The following NUP133 variants were observed in gnomAD, a reference collection of about 807,000 sequenced individuals.
NUP133 encodes nuclear pore complex protein Nup133.
In NUP133, 66 loss-of-function variants were observed where a neutral mutation model predicts 146.2. The observed-to-expected ratio is 0.45, with a 90% CI of 0.37 to 0.55. NUP133 has a LOEUF of 0.55. Ranked by LOEUF, NUP133 falls within the 20% of genes least tolerant of loss-of-function variation. The pLI is 0.00. For synonymous variants in NUP133, 521 were observed against 498.8 expected (o/e 1.04, Z -0.59); for missense variants, 1,277 against 1,374.8 (o/e 0.93, Z 1.12).
In NUP133 at chr1:229,463,914, G is replaced by C. The variant is rs1660752327; in HGVS notation, c.2552-238C>G. ...TAATCCCAGCACTTTGGGAGGCTGA[G>C]GCGGGTGGATCACCTGAGGTCAGGA... is the stretch of plus-strand genomic sequence containing the variant. On this transcript the variant is annotated intron_variant, in intron 18 of 25. Transcript: ENST00000261396. Among the ~76,000 whole-genome samples, 3 of 152,106 alleles carry C rather than the reference G, an allele frequency of 2.0e-5. 1 individual carries two copies. Among genetic ancestry groups the C allele is most frequent in the African/African-American group, 2.4e-5 (1 of 41,418 alleles).
intron 21 of NUP133, among the ~76,000 whole-genome samples, chr1:229,456,571 A>G (rs184132832): frequency 9.2e-5 from 14 of 152,180 alleles, no homozygotes; most frequent in Admixed American, 7.2e-4. Flanking sequence ...TTCTGGCCCA[A>G]TAAGACTCTC....
chr1:229,491,645 G>A (rs997713287), intron 8 of NUP133, among the ~76,000 whole-genome samples: 2 of 152,200 alleles, frequency 1.3e-5, no homozygotes, highest in Admixed American at 6.5e-5. Context: ...CAGCATGGTG[G>A]CGTGTGCCTG....
chr1:229,462,703 G>A (rs558736433), intron 19 of NUP133, among the ~76,000 whole-genome samples: 34 of 152,102 alleles, frequency 2.2e-4, no homozygotes, highest in African/African-American at 7.7e-4. Context: ...GGCCATGGGC[G>A]TGTGGTGGCA....
chr1:229,493,005 G>C (rs1223569779), intron 8 of NUP133, among the ~76,000 whole-genome samples: 2 of 152,040 alleles, frequency 1.3e-5, no homozygotes, highest in Non-Finnish European at 2.9e-5. Context: ...ACAATGCCAG[G>C]CTGGCCTAGA....
intron 3 of NUP133, among the ~76,000 whole-genome samples, chr1:229,501,417 G>C (rs1248327491): frequency 6.6e-6 from 1 of 152,172 alleles, no homozygotes; most frequent in East Asian, 1.9e-4. Context: ...AAGAATTGAG[G>C]TAAGCAGGAG....
chr1:229,444,680 T>G (rs112074073), intron 25 of NUP133, among the ~76,000 whole-genome samples: 6,873 of 151,720 alleles, frequency 0.045, 470 homozygotes, highest in African/African-American at 0.15. Flanking sequence ...AACCCTGCTT[T>G]TACTAAAAAT....
At chr1:229,467,947 T>C (rs1285001412) in intron 15 of NUP133, among the ~76,000 whole-genome samples, 1 of 150,534 alleles carries the variant, frequency 6.6e-6, no homozygotes, top group Non-Finnish European at 1.5e-5. Flanking sequence ...AAGGAAAGCA[T>C]ATATAATATA....
chr1:229,492,137 A>G (rs10916490), intron 8 of NUP133, among the ~76,000 whole-genome samples: 44,355 of 145,840 alleles, frequency 0.3, 8,205 homozygotes, highest in African/African-American at 0.53. Context: ...GCGGAGTTTC[A>G]CTCTTGTTGC....
chr1:229,492,431 G>A (rs552775176), intron 8 of NUP133, among the ~76,000 whole-genome samples: 18 of 152,118 alleles, frequency 1.2e-4, no homozygotes, highest in Admixed American at 2.6e-4. Flanking sequence ...TTTCATTCAA[G>A]TCTCAAAAAG....
chr1:229,461,947 G>C (rs556406753), intron 19 of NUP133, among the ~76,000 whole-genome samples: 27 of 150,904 alleles, frequency 1.8e-4, no homozygotes, highest in Admixed American at 1.3e-3. Flanking sequence ...GCAGTGGCAC[G>C]ATCTTGGCTC....
chr1:229,490,575 C>T (rs565335833), intron 8 of NUP133, among the ~76,000 whole-genome samples: 4 of 151,994 alleles, frequency 2.6e-5, no homozygotes, highest in South Asian at 2.1e-4. Flanking sequence ...ATGGAGGGGT[C>T]GATTACAGAA....
chr1:229,495,740 AT>A, intron 7 of NUP133, 151 bp downstream of exon 7: 1 of 882,954 alleles, frequency 1.1e-6, no homozygotes, highest in Non-Finnish European at 1.7e-6. Flanking sequence ...ATTTCTGGAG[AT>A]TGACTAACCC....
At chr1:229,505,564 T>TTAA (rs1553260997) in intron 2 of NUP133, among the ~76,000 whole-genome samples, 1 of 63,220 alleles carries the variant, frequency 1.6e-5, no homozygotes, top group Non-Finnish European at 3.0e-5. Flanking sequence ...CAATTACAGT[T>TTAA]AAAAAAAAAA....
rs754600769 is a variant in NUP133 at position 229,508,156 on chromosome 1, C to G, written c.94G>C (p.Ala32Pro). 2 of 1,594,662 alleles carry G rather than the reference C, an allele frequency of 1.3e-6. No individual in the cohort carries two copies. Among genetic ancestry groups the G allele is most frequent in the Admixed American group, 1.7e-5 (1 of 57,708 alleles). Residue 32 changes from alanine (A) to proline (P), a missense_variant, in exon 1 of 26, where the codon GCT (alanine) becomes CCT (proline). Ala to Pro is a conservative substitution (Grantham distance 27, BLOSUM62 -1). Around this residue, in one of 3 missense-constraint regions of NUP133, gnomAD observed 319 missense variants for 306.9 expected, o/e 1.04. Transcript: ENST00000261396. ...CCCAGGGGCAGACCCTTCCTGCTAGCCGTCCGGGGCGTGGAGCCGGGCCCG... is the reference window on the plus strand; with the variant it reads ...CCCAGGGGCAGACCCTTCCTGCTAGGCGTCCGGGGCGTGGAGCCGGGCCCG... ...GLGPGSTPRTASRKGLPLGSA... is the reference protein window; with the variant it reads ...GLGPGSTPRTPSRKGLPLGSA...
At chr1:229,464,052 G>C (rs1660755802) in intron 18 of NUP133, among the ~76,000 whole-genome samples, 1 of 152,160 alleles carries the variant, frequency 6.6e-6, no homozygotes, top group Admixed American at 6.5e-5. Context: ...GGCTGAGGCA[G>C]GAGAATTGTT....
chr1:229,506,324 A>G (rs1453427586), intron 1 of NUP133, among the ~76,000 whole-genome samples, 166 bp from the exon 2 acceptor site: 1 of 152,098 alleles, frequency 6.6e-6, no homozygotes, highest in Non-Finnish European at 1.5e-5. Context: ...AAAAAAACAA[A>G]ACAGGATTTA....
chr1:229,482,498 C>T (rs1313341282), intron 12 of NUP133, among the ~76,000 whole-genome samples: 2 of 152,156 alleles, frequency 1.3e-5, no homozygotes, highest in Non-Finnish European at 1.5e-5. Context: ...TAACAAGGGG[C>T]AGAGCAGGGG....
chr1:229,465,445 T>C lies in NUP133; in HGVS notation c.2274A>G (p.Lys758=). The C allele has an allele frequency of 6.2e-7, 1 of 1,612,818 alleles. No individual in the cohort carries two copies. The highest frequency in any genetic ancestry group is 8.5e-7 in the Non-Finnish European group (1 of 1,178,842). ...CCGTCCATGGAACATATTCAGGTTC[T>C]TTTTCTAGTGATTCTTCTCTTCTAT... ...SLYRREESLE[K]EPEYVPWTAT... The change falls in exon 17 of 26, where the codon AAA becomes AAG. Residue 758 remains lysine, a synonymous_variant. Transcript: ENST00000261396.
In NUP133 at chr1:229,477,710, T is replaced by C. The variant is rs750457180; in HGVS notation, c.1643A>G (p.His548Arg). ...TTCAGAATCAGAATCCAAATCAGAG[T>C]GAGAGGAAAAGAGCTCATCAACCAC... ...QMVVDELFSS[H>R]SDLDSDSELD... Residue 548 changes from histidine to arginine, a missense_variant, in exon 13 of 26, where the codon CAC (histidine) becomes CGC (arginine). His to Arg is a conservative substitution (Grantham distance 29, BLOSUM62 0). Coordinates refer to ENST00000261396, the MANE Select transcript of NUP133 (RefSeq NM_018230.3). 1.2e-6 allele frequency: 2 copies of C among 1,613,236 alleles called. No homozygotes were observed. The highest frequency in any genetic ancestry group is 2.2e-5 in the South Asian group (2 of 90,994).
Sources: gnomAD v4.1 joint callset for allele counts (sites outside exome capture counted in the v4.1 genomes callset) on GRCh38, gnomAD v4.1.1 for gene constraint, gnomAD v4.1.1 regional missense constraint, MANE v1.5 for transcripts, NCBI Gene and HGNC (gene_info 2026-07-23, HGNC 2026-07-21) for gene names.